RORA: variants seen among roughly 807,000 people sequenced by gnomAD.
The protein encoded by RORA is nuclear receptor ROR-alpha.
Under a neutral mutation model 69.5 loss-of-function variants are expected in RORA, and 7 were observed. The ratio of observed to expected loss-of-function variants is 0.10; its 90% confidence interval spans 0.06 to 0.19. The LOEUF (loss-of-function observed/expected upper bound fraction) is 0.19. Ranked by LOEUF, RORA falls within the 10% of genes least tolerant of loss-of-function variation. The pLI is 1.00. For missense variants in RORA, 457 were observed against 663.0 expected (o/e 0.69, Z 3.41); for synonymous variants, 261 against 240.8 (o/e 1.08, Z -0.78).
intron 1 of RORA, among the ~76,000 whole-genome samples, chr15:60,864,783 G>A (rs1243398204): frequency 6.6e-6 from 1 of 152,236 alleles, no homozygotes; most frequent in African/African-American, 2.4e-5. Flanking sequence ...GCCCCATGAA[G>A]AGGGTGGGCA....
rs1337244551 is a variant in RORA, at chr15:60,490,609, G to A, written c.*6846C>T. Reference sequence around the variant, plus strand: ...TTAAGTTAATAGTAAATAAGGAATCGATTGCTCAAGTTGAAGAAAGCAGTA... The same window carrying A: ...TTAAGTTAATAGTAAATAAGGAATCAATTGCTCAAGTTGAAGAAAGCAGTA... On this transcript the variant is annotated 3_prime_UTR_variant, in exon 11 of 11. Transcript: ENST00000335670. The surrounding 1 kb of genome is among the most constrained non-coding windows in gnomAD (Gnocchi z 4.1). The A allele has an allele frequency of 2.0e-5, 3 of 152,098 alleles. No homozygotes were observed. The highest frequency in any genetic ancestry group is 2.9e-5 in the Non-Finnish European group (2 of 67,994). 9.4% of individuals were successfully genotyped at this position (152,098 alleles called of 1,614,324 possible).
chr15:60,772,912 G>C (rs994541150), intron 1 of RORA, among the ~76,000 whole-genome samples: 2 of 152,260 alleles, frequency 1.3e-5, no homozygotes, highest in African/African-American at 2.4e-5. Context: ...CCCTGGATTA[G>C]CATGTGCCCA....
intron 1 of RORA, among the ~76,000 whole-genome samples, chr15:61,183,924 C>T (rs968692229): frequency 2.6e-5 from 4 of 152,126 alleles, no homozygotes; most frequent in African/African-American, 7.2e-5. Flanking sequence ...CCTTTCCCAT[C>T]CTTGGAATGG....
At chr15:60,793,023 CAA>C (rs2072439615) in intron 1 of RORA, among the ~76,000 whole-genome samples, 1 of 151,032 alleles carries the variant, frequency 6.6e-6, no homozygotes, top group Admixed American at 6.6e-5. Flanking sequence ...ACCACTCCCT[CAA>C]AAGAGAGAGA....
intron 1 of RORA, among the ~76,000 whole-genome samples, chr15:60,921,601 A>G (rs1186106726): frequency 6.6e-6 from 1 of 152,144 alleles, no homozygotes; most frequent in Non-Finnish European, 1.5e-5. Flanking sequence ...GGTATAGGCG[A>G]TGTGTTCACC....
At chr15:61,119,910 G>C (rs2079086857) in intron 1 of RORA, among the ~76,000 whole-genome samples, 1 of 152,214 alleles carries the variant, frequency 6.6e-6, no homozygotes, top group South Asian at 2.1e-4. Context: ...ACAAGGGGTT[G>C]AGGGCAACAA....
intron 1 of RORA, among the ~76,000 whole-genome samples, chr15:60,842,832 C>T (rs553567448): frequency 7.6e-4 from 115 of 152,142 alleles, no homozygotes; most frequent in Middle Eastern, 3.4e-3. Context: ...AGTAGAAGAT[C>T]GGGTGGATAA....
At chr15:60,615,293 T>C (rs16942816) in intron 2 of RORA, among the ~76,000 whole-genome samples, 19,829 of 152,160 alleles carry the variant, frequency 0.13, 1,486 homozygotes, top group African/African-American at 0.2. Context: ...CCACGGAGCC[T>C]TGAGATCGAG....
intron 2 of RORA, among the ~76,000 whole-genome samples, chr15:60,532,833 T>C (rs2066567696): frequency 6.6e-6 from 1 of 152,182 alleles, no homozygotes; most frequent in Admixed American, 6.5e-5. Flanking sequence ...TTTTCCATGG[T>C]TTTCACTACT....
chr15:60,629,360 C>T (rs141936002), intron 2 of RORA, among the ~76,000 whole-genome samples: 1,747 of 151,878 alleles, frequency 0.012, 22 homozygotes, highest in African/African-American at 0.04. Context: ...CTAATTTTTG[C>T]ATTTTTAGTA....
chr15:60,919,872 C>T (rs1891991178), intron 1 of RORA, among the ~76,000 whole-genome samples: 1 of 152,054 alleles, frequency 6.6e-6, no homozygotes, highest in Non-Finnish European at 1.5e-5. Context: ...TTTCTGGATG[C>T]AGGTAGGGCT....
intron 2 of RORA, among the ~76,000 whole-genome samples, chr15:60,652,045 C>T (rs536743428): frequency 4.6e-5 from 7 of 152,146 alleles, no homozygotes; most frequent in African/African-American, 7.2e-5. Context: ...TCTCCCTTCC[C>T]GCCTCTGATC....
intron 1 of RORA, among the ~76,000 whole-genome samples, chr15:60,720,023 G>A (rs1370602667): frequency 6.6e-6 from 1 of 152,126 alleles, no homozygotes; most frequent in African/African-American, 2.4e-5. Flanking sequence ...AGCCTTTATT[G>A]TTCCTTTTCC....
At chr15:60,588,085 A>G (rs2068387607) in intron 2 of RORA, among the ~76,000 whole-genome samples, 1 of 152,158 alleles carries the variant, frequency 6.6e-6, no homozygotes, top group Admixed American at 6.5e-5. Context: ...GAACTTGTAA[A>G]TCATTCCTCA....
At chr15:60,584,213 T>G (rs1266302972) in intron 2 of RORA, among the ~76,000 whole-genome samples, 1 of 152,182 alleles carries the variant, frequency 6.6e-6, no homozygotes, top group Non-Finnish European at 1.5e-5. Flanking sequence ...ACTGACAGAA[T>G]CAAACTCTGT....
chr15:60,514,779 T>C, intron 3 of RORA, 22 bp from the exon 4 acceptor site: 1 of 1,607,810 alleles, frequency 6.2e-7, no homozygotes, highest in Non-Finnish European at 8.5e-7. Context: ...TTATAAAATA[T>C]AAAACAGGTT....
At chr15:60,513,615 C>T (rs1229848834) in intron 4 of RORA, among the ~76,000 whole-genome samples, 2 of 152,206 alleles carry the variant, frequency 1.3e-5, no homozygotes, top group Non-Finnish European at 2.9e-5. Flanking sequence ...TTGCATGTCA[C>T]AGGAATTTCT....
rs370853273 is a variant in RORA at position 61,172,140 on chromosome 15, C to CA, written c.166+56912dup. 8.3e-3 allele frequency among the ~76,000 whole-genome samples: 1,228 copies of CA among 148,770 alleles called. 18 individuals carry two copies. The highest frequency in any genetic ancestry group is 0.029 in the African/African-American group (1,164 of 40,536). ...CCATGAGAAAATAAGGATGAAGAAACAAAAAAAAATGGTATAGTGTCCTTA... is the reference window on the plus strand; with the variant it reads ...CCATGAGAAAATAAGGATGAAGAAACAAAAAAAAAATGGTATAGTGTCCTTA... On this transcript the variant is annotated intron_variant, in intron 1 of 10. Coordinates refer to ENST00000335670, the MANE Select transcript of RORA (RefSeq NM_134261.3).
At chr15:60,745,533 C>G (rs2071634813) in intron 1 of RORA, among the ~76,000 whole-genome samples, 1 of 152,214 alleles carries the variant, frequency 6.6e-6, no homozygotes, top group South Asian at 2.1e-4. Flanking sequence ...CAATAAGGAG[C>G]TGGCCTGCTT....
Sources: gnomAD v4.1 joint callset for allele counts (sites outside exome capture counted in the v4.1 genomes callset) on GRCh38, gnomAD v4.1.1 for gene constraint, Gnocchi (gnomAD v3.1) non-coding constraint, MANE v1.5 for transcripts, NCBI Gene and HGNC (gene_info 2026-07-23, HGNC 2026-07-21) for gene names.